RNF19A: variants seen among roughly 807,000 people sequenced by gnomAD.
The protein encoded by RNF19A is E3 ubiquitin-protein ligase RNF19A.
A neutral mutation model predicts 75.7 loss-of-function variants in RNF19A; 32 were observed. That is an observed-to-expected ratio of 0.42 (90% CI 0.32 to 0.57). RNF19A has a LOEUF of 0.57. RNF19A is among the 20% of genes least tolerant of loss of function. The pLI is 0.10. For synonymous variants in RNF19A, 335 were observed against 345.2 expected (o/e 0.97, Z 0.33); for missense variants, 782 against 1,036.3 (o/e 0.75, Z 3.37).
intron 1 of RNF19A, among the ~76,000 whole-genome samples, chr8:100,299,597 T>C (rs187455845): frequency 2.2e-3 from 335 of 152,204 alleles, no homozygotes; most frequent in African/African-American, 7.5e-3. Context: ...CTGTCTCTAC[T>C]AGAAATACAA....
intron 2 of RNF19A, among the ~76,000 whole-genome samples, chr8:100,282,312 T>C (rs529307065): frequency 2.1e-4 from 32 of 152,286 alleles, no homozygotes; most frequent in Non-Finnish European, 4.4e-5. Context: ...AGATTGAGCA[T>C]CCCTAGTCAA....
upstream of RNF19A, chr8:100,310,135 C>T (rs1252130590): frequency 2.0e-6 from 2 of 985,456 alleles, no homozygotes; most frequent in African/African-American, 1.7e-5. Context: ...TTCCCCTCCT[C>T]CTCCTCCCAC....
chr8:100,301,039 G>A (rs1821801305), intron 1 of RNF19A, among the ~76,000 whole-genome samples: 1 of 152,166 alleles, frequency 6.6e-6, no homozygotes, highest in Non-Finnish European at 1.5e-5. Context: ...TTTTGTAAGT[G>A]AGAAAACTGA....
At chr8:100,307,248 C>T (rs986240217) in intron 1 of RNF19A, among the ~76,000 whole-genome samples, 1 of 152,028 alleles carries the variant, frequency 6.6e-6, no homozygotes, top group Non-Finnish European at 1.5e-5. Context: ...CTATATAACC[C>T]GAGTAGAGAA....
intron 1 of RNF19A, among the ~76,000 whole-genome samples, chr8:100,308,424 G>A (rs925602635): frequency 5.3e-5 from 8 of 152,016 alleles, no homozygotes; most frequent in Admixed American, 3.9e-4. Flanking sequence ...TTGAAAATAC[G>A]ATCATCGCCA....
intron 2 of RNF19A, among the ~76,000 whole-genome samples, chr8:100,279,777 T>G (rs903821697): frequency 7.2e-5 from 11 of 152,182 alleles, no homozygotes; most frequent in African/African-American, 2.7e-4. Context: ...TCCGCCCACC[T>G]CAGCCTCCCA....
chr8:100,289,852 T>C (rs1235529715), intron 1 of RNF19A, among the ~76,000 whole-genome samples: 2 of 152,178 alleles, frequency 1.3e-5, no homozygotes, highest in African/African-American at 2.4e-5. Context: ...ATGCTCACAA[T>C]AGCATTAGTA....
intron 1 of RNF19A, among the ~76,000 whole-genome samples, chr8:100,304,444 GTTACT>G (rs1821980562): frequency 2.0e-5 from 3 of 152,134 alleles, no homozygotes; most frequent in Non-Finnish European, 2.9e-5. Context: ...TTTCTAAATG[GTTACT>G]TTATTTTCCC....
At chr8:100,299,772 GA>G (rs142007721) in intron 1 of RNF19A, among the ~76,000 whole-genome samples, 8,957 of 148,414 alleles carry the variant, frequency 0.06, 336 homozygotes, top group African/African-American at 0.11. Context: ...ATAAAAAAAA[GA>G]AAAAAAAAAG....
At position 100,324,160 on chromosome 8, in the gene RNF19A, G is replaced by C. The variant is rs1741964180; in HGVS notation, c.-242-10788C>G. Reference sequence around the variant, plus strand: ...ACTATAATTTATTTTTTACAGCGGAGGAAGCCCAATCTAGATTTATAAAGT... The same window carrying C: ...ACTATAATTTATTTTTTACAGCGGACGAAGCCCAATCTAGATTTATAAAGT... On this transcript the variant is annotated intron_variant, in intron 1 of 3. Transcript: ENST00000519527. This position sits in a 1 kb window ranked among gnomAD's most constrained non-coding sequence, Gnocchi z 4.2. 6.6e-6 allele frequency among the ~76,000 whole-genome samples: 1 copy of C among 152,152 alleles called. No homozygotes were observed. Among genetic ancestry groups the C allele is most frequent in the African/African-American group, 2.4e-5 (1 of 41,434 alleles).
At chr8:100,310,308 T>TGGCCCCGACTGC, upstream of RNF19A, 2 of 923,814 alleles carry the variant, frequency 2.2e-6, no homozygotes, top group Non-Finnish European at 2.6e-6. Context: ...TGCACCCGGG[T>TGGCCCCGACTGC]GGCCCCGACT....
chr8:100,297,756 G>A (rs1255953386), intron 1 of RNF19A, among the ~76,000 whole-genome samples: 2 of 152,146 alleles, frequency 1.3e-5, no homozygotes, highest in African/African-American at 4.8e-5. Context: ...TCCACCATGA[G>A]ATTTTGGGTT....
At chr8:100,319,190 T>C (rs1822428007) in intron 1 of RNF19A, among the ~76,000 whole-genome samples, 1 of 152,208 alleles carries the variant, frequency 6.6e-6, no homozygotes, top group African/African-American at 2.4e-5. Context: ...AAATTGAGCT[T>C]GTAGTTAAAC....
chr8:100,287,229 A>G lies in RNF19A; in HGVS notation c.674+272T>C, dbSNP rs570671136. ...ATTCTCCAAATGGATGAGAAAACCA[A>G]TTTTGTATACAACTAGATCCTGTAC... On this transcript the variant is annotated intron_variant, in intron 2 of 9. Transcript: ENST00000341084. This position sits in a 1 kb window ranked among gnomAD's most constrained non-coding sequence, Gnocchi z 4.1. Among the ~76,000 whole-genome samples the G allele has an allele frequency of 1.3e-5, 2 of 152,338 alleles. No individual in the cohort carries two copies. The highest frequency in any genetic ancestry group is 2.1e-4 in the South Asian group (1 of 4,830).
At position 100,329,647 on chromosome 8, in the gene RNF19A, A is replaced by C. The variant is rs1480211132; in HGVS notation, c.-243+6461T>G. Among the ~76,000 whole-genome samples, 1 of 152,234 alleles carries C rather than the reference A, an allele frequency of 6.6e-6. No homozygotes were observed. Among genetic ancestry groups the C allele is most frequent in the East Asian group, 1.9e-4 (1 of 5,198 alleles). ...AAAGACAGACAACTAGGTTAAGAGA[A>C]GTCTGGAAACCATGTCACCTGATAT... is the stretch of plus-strand genomic sequence containing the variant. On this transcript the variant is annotated intron_variant, in intron 1 of 3. Transcript: ENST00000519527. This position sits in a 1 kb window ranked among gnomAD's most constrained non-coding sequence, Gnocchi z 4.3.
intron 1 of RNF19A, among the ~76,000 whole-genome samples, chr8:100,326,289 C>T (rs920399218): frequency 6.6e-6 from 1 of 152,074 alleles, no homozygotes; most frequent in African/African-American, 2.4e-5. Flanking sequence ...AAATGCATAC[C>T]ACCTAACCTC....
intron 7 of RNF19A, among the ~76,000 whole-genome samples, chr8:100,263,071 G>A (rs1302903328): frequency 6.6e-6 from 1 of 152,178 alleles, no homozygotes; most frequent in Non-Finnish European, 1.5e-5. Context: ...AGATTAAAGA[G>A]GAAAGTTACA....
rs1306698175 is a variant in RNF19A, at chr8:100,275,858, A to G, written c.675-697T>C. 6.6e-6 allele frequency among the ~76,000 whole-genome samples: 1 copy of G among 152,170 alleles called. No homozygotes were observed. Among genetic ancestry groups the G allele is most frequent in the Non-Finnish European group, 1.5e-5 (1 of 68,032 alleles). ...TGTCAGGTAATGGCATACTGTGCCA[A>G]TTTATAAATTTTGTGATAATTTTGT... On this transcript the variant is annotated intron_variant, in intron 2 of 9. Coordinates refer to ENST00000341084, the MANE Select transcript of RNF19A (RefSeq NM_183419.4). The surrounding 1 kb of genome is among the most constrained non-coding windows in gnomAD (Gnocchi z 4.3).
At position 100,284,214 on chromosome 8, in the gene RNF19A, T is replaced by C. The variant is rs1018099213; in HGVS notation, c.674+3287A>G. Among the ~76,000 whole-genome samples, 1 of 152,180 alleles carries C rather than the reference T, an allele frequency of 6.6e-6. No homozygotes were observed. Among genetic ancestry groups the C allele is most frequent in the African/African-American group, 2.4e-5 (1 of 41,460 alleles). On this transcript the variant is annotated intron_variant, in intron 2 of 9. Transcript: ENST00000341084. This position sits in a 1 kb window ranked among gnomAD's most constrained non-coding sequence, Gnocchi z 4.3. Reference sequence around the variant, plus strand: ...TCACTTAATCCTTATAACAACAAGATAGGATAGGGACTCAAAATCAGGTAT... The same window carrying C: ...TCACTTAATCCTTATAACAACAAGACAGGATAGGGACTCAAAATCAGGTAT...
Sources: gnomAD v4.1 joint callset for allele counts (sites outside exome capture counted in the v4.1 genomes callset) on GRCh38, gnomAD v4.1.1 for gene constraint, Gnocchi (gnomAD v3.1) non-coding constraint, MANE v1.5 for transcripts, NCBI Gene and HGNC (gene_info 2026-07-23, HGNC 2026-07-21) for gene names.